FOXP1: variants seen among roughly 807,000 people sequenced by gnomAD.
The protein encoded by FOXP1 is forkhead box protein P1.
A neutral mutation model predicts 98.2 loss-of-function variants in FOXP1; 15 were observed. That is an observed-to-expected ratio of 0.15 (90% CI 0.10 to 0.24). The LOEUF is 0.24. Ranked by LOEUF, FOXP1 falls within the 10% of genes least tolerant of loss-of-function variation. FOXP1 has a pLI of 1.00. For missense variants in FOXP1, 633 were observed against 848.5 expected (o/e 0.75, Z 3.15); for synonymous variants, 371 against 314.5 (o/e 1.18, Z -1.90).
At chr3:71,238,439 G>GGT (rs371301193) in intron 5 of FOXP1, among the ~76,000 whole-genome samples, 2 of 151,926 alleles carry the variant, frequency 1.3e-5, no homozygotes, top group African/African-American at 2.4e-5. Flanking sequence ...GGTGTGGGGG[G>GGT]GTGTGTGTGT....
intron 11 of FOXP1, among the ~76,000 whole-genome samples, chr3:71,039,025 TG>T: frequency 6.6e-6 from 1 of 152,214 alleles, no homozygotes; most frequent in Admixed American, 6.5e-5. Context: ...TAACTGAAGG[TG>T]CTCATTTGTC....
At chr3:70,967,819 C>G (rs2035277846) in intron 19 of FOXP1, among the ~76,000 whole-genome samples, 1 of 141,914 alleles carries the variant, frequency 7.0e-6, no homozygotes, top group Admixed American at 7.6e-5. Flanking sequence ...TGCTGAGTGT[C>G]TTTCCACTGG....
At chr3:70,972,384 G>A in intron 18 of FOXP1, 171 bp downstream of exon 18, 1 of 999,992 alleles carries the variant, frequency 1.0e-6, no homozygotes, top group Non-Finnish European at 1.5e-6. Context: ...CAGGGCAGGG[G>A]GACTGGTGGG....
chr3:70,994,854 G>A (rs1237712285), intron 13 of FOXP1, among the ~76,000 whole-genome samples: 3 of 152,184 alleles, frequency 2.0e-5, no homozygotes, highest in East Asian at 3.9e-4. Context: ...AACCTGCCCC[G>A]ATGACACATG....
At chr3:71,064,316 A>G (rs2052032288) in intron 7 of FOXP1, among the ~76,000 whole-genome samples, 2 of 152,210 alleles carry the variant, frequency 1.3e-5, no homozygotes, top group South Asian at 4.1e-4. Flanking sequence ...ACTGAGATGG[A>G]AGGCTCCTTG....
chr3:71,115,754 T>TC (rs2058327645), intron 6 of FOXP1, among the ~76,000 whole-genome samples: 1 of 149,288 alleles, frequency 6.7e-6, no homozygotes, highest in Non-Finnish European at 1.5e-5. Context: ...TTTTTTTTTT[T>TC]TGGACAAAGT....
rs777251817 is a variant in FOXP1 at position 70,954,949 on chromosome 3, C to T, written c.*4298G>A. 7 of 232,642 alleles carry T rather than the reference C, an allele frequency of 3.0e-5. No homozygotes were observed. Among genetic ancestry groups the T allele is most frequent in the East Asian group, 6.0e-5 (1 of 16,552 alleles). The allele number at this position is 232,642 out of a possible 1,614,324, so 14.4% of individuals were successfully genotyped here. On this transcript the variant is annotated 3_prime_UTR_variant, in exon 21 of 21. Coordinates refer to ENST00000649528, the MANE Select transcript of FOXP1 (RefSeq NM_001349338.3). ...TACATGAAGCACCATGCTCACAGTC[C>T]GGACTGTATCATCTTCATCAAGGCT...
intron 3 of FOXP1, among the ~76,000 whole-genome samples, chr3:71,388,916 T>C (rs1262932018): frequency 6.6e-6 from 1 of 152,032 alleles, no homozygotes; most frequent in African/African-American, 2.4e-5. Flanking sequence ...CTGTACCAAG[T>C]AGAATGGCCT....
At chr3:70,997,434 A>C (rs1298146999) in intron 13 of FOXP1, among the ~76,000 whole-genome samples, 1 of 152,216 alleles carries the variant, frequency 6.6e-6, no homozygotes, top group Non-Finnish European at 1.5e-5. Context: ...TGTGTCCCAA[A>C]TGCCCCCATA....
At chr3:71,427,626 T>C (rs540066921) in intron 3 of FOXP1, among the ~76,000 whole-genome samples, 4 of 152,294 alleles carry the variant, frequency 2.6e-5, no homozygotes, top group East Asian at 1.9e-4. Flanking sequence ...GCTATCACAA[T>C]TGTATGGACA....
rs532358360 is a variant in FOXP1, at chr3:71,170,034, G to A, written c.180+28168C>T. On this transcript the variant is annotated intron_variant, in intron 6 of 20. Transcript: ENST00000649528. ...CCAATACTTAAACTTTGATCAAGCA[G>A]GGGGAGCTACTCCAGATAATTAATC... 1.6e-3 allele frequency among the ~76,000 whole-genome samples: 242 copies of A among 152,270 alleles called. 1 individual carries two copies. The highest frequency in any genetic ancestry group is 1.5e-3 in the Non-Finnish European group (100 of 68,022).
At chr3:71,494,926 A>AG (rs2091304297) in intron 2 of FOXP1, among the ~76,000 whole-genome samples, 2 of 152,074 alleles carry the variant, frequency 1.3e-5, no homozygotes, top group African/African-American at 4.8e-5. Context: ...AGAAAAAAAA[A>AG]AAAAGAAAAG....
rs540442384 is a variant in FOXP1 at position 71,472,750 on chromosome 3, T to C, written c.-168+20676A>G. On this transcript the variant is annotated intron_variant, in intron 3 of 20. Transcript: ENST00000649528. Reference sequence around the variant, plus strand: ...AAGTAGATTAGAATAATGGAAACGCTAGTTGGTTTTTCCCCCAAAGTGAGA... The same window carrying C: ...AAGTAGATTAGAATAATGGAAACGCCAGTTGGTTTTTCCCCCAAAGTGAGA... 2.0e-5 allele frequency among the ~76,000 whole-genome samples: 3 copies of C among 152,346 alleles called. No homozygotes were observed. The East Asian group carries it at 5.8e-4, about 29-fold the overall frequency.
chr3:71,070,731 T>C (rs1188934640), intron 7 of FOXP1, among the ~76,000 whole-genome samples: 1 of 152,188 alleles, frequency 6.6e-6, no homozygotes, highest in Non-Finnish European at 1.5e-5. Context: ...AGCAGCGTGC[T>C]GGGGTTTAAC....
chr3:71,256,287 A>G (rs1165380714), intron 5 of FOXP1, among the ~76,000 whole-genome samples: 1 of 150,058 alleles, frequency 6.7e-6, no homozygotes, highest in African/African-American at 2.5e-5. Flanking sequence ...TCTCCAATCA[A>G]CTCCACTATT....
chr3:71,141,040 G>A (rs1385698027), intron 6 of FOXP1, among the ~76,000 whole-genome samples: 1 of 151,906 alleles, frequency 6.6e-6, no homozygotes, highest in Non-Finnish European at 1.5e-5. Context: ...AGGCCAAGGT[G>A]GGTGGATCAC....
At chr3:71,283,622 A>C (rs1343587442) in intron 5 of FOXP1, among the ~76,000 whole-genome samples, 1 of 152,208 alleles carries the variant, frequency 6.6e-6, no homozygotes, top group Non-Finnish European at 1.5e-5. Flanking sequence ...AATAGCAGCA[A>C]CTGCTTACTC....
At chr3:71,569,622 A>C (rs1243773045) in intron 2 of FOXP1, among the ~76,000 whole-genome samples, 1 of 152,202 alleles carries the variant, frequency 6.6e-6, no homozygotes, top group East Asian at 1.9e-4. Flanking sequence ...AAATATGAGT[A>C]GTATATTCAT....
At chr3:71,013,983 T>G (rs1404263398) in intron 12 of FOXP1, among the ~76,000 whole-genome samples, 2 of 152,164 alleles carry the variant, frequency 1.3e-5, no homozygotes, top group Non-Finnish European at 2.9e-5. Flanking sequence ...TCCTTACACC[T>G]TATACAAAAA....
Sources: gnomAD v4.1 joint callset for allele counts (sites outside exome capture counted in the v4.1 genomes callset) on GRCh38, gnomAD v4.1.1 for gene constraint, MANE v1.5 for transcripts, NCBI Gene and HGNC (gene_info 2026-07-23, HGNC 2026-07-21) for gene names.